The following PCDHGA3 variants were observed in gnomAD, a reference collection of about 807,000 sequenced individuals.
PCDHGA3 encodes protocadherin gamma subfamily A, 3.
PCDHGA3 carries 40 observed loss-of-function variants against 58.5 expected under a neutral mutation model. The observed-to-expected ratio is 0.68, with a 90% CI of 0.53 to 0.89. The LOEUF (loss-of-function observed/expected upper bound fraction) is 0.89. PCDHGA3 is among the 40% of genes least tolerant of loss of function. The pLI, the probability that PCDHGA3 is intolerant of heterozygous loss-of-function variation, is 0.00. For synonymous variants in PCDHGA3, 530 were observed against 525.7 expected (o/e 1.01, Z -0.11); for missense variants, 1,223 against 1,195.9 (o/e 1.02, Z -0.33).
chr5:141,373,423 T>G (rs992122154), intron 1 of PCDHGA3, among the ~76,000 whole-genome samples: 1 of 152,214 alleles, frequency 6.6e-6, no homozygotes, highest in Non-Finnish European at 1.5e-5. Flanking sequence ...CTCGGGAGGC[T>G]GAGGTGGGAG....
rs761386567 is a variant in PCDHGA3 at position 141,383,468 on chromosome 5, A to G, written c.2424+37011A>G. ...GTGCAAAGTGGAGACGATGAAACTA[A>G]GTACCCGGAACTGGTGCTGGAGCGG... On this transcript the variant is annotated intron_variant, in intron 1 of 3. Transcript: ENST00000253812. The G allele has an allele frequency of 1.1e-5, 17 of 1,613,656 alleles. 1 individual carries two copies. In the South Asian group the frequency reaches 1.9e-4, roughly 18 times the overall value.
Position 141,359,394 on chromosome 5 carries a change from C to G in PCDHGA3, c.2424+12937C>G, listed in dbSNP as rs141452272. ...CAGTAGATAATTTATAACCTAAAAT[C>G]AAATTTTTTAAAAAATGTGTTTTTG... On this transcript the variant is annotated intron_variant, in intron 1 of 3. Coordinates refer to ENST00000253812, the MANE Select transcript of PCDHGA3 (RefSeq NM_018916.4). Among the ~76,000 whole-genome samples the G allele has an allele frequency of 8.6e-5, 13 of 151,974 alleles. No homozygotes were observed. In the East Asian group the frequency reaches 2.3e-3, roughly 27 times the overall value.
chr5:141,404,965 C>A, intron 1 of PCDHGA3: 1 of 1,614,030 alleles, frequency 6.2e-7, no homozygotes, highest in Non-Finnish European at 8.5e-7. Context: ...TCCCAGACAT[C>A]CTGGCTGACC....
intron 1 of PCDHGA3, chr5:141,398,274 C>G (rs1323516270): frequency 7.1e-7 from 1 of 1,416,776 alleles, no homozygotes; most frequent in African/African-American, 1.5e-5. Context: ...TAGTGGGGAA[C>G]CTCGCCACGG....
intron 1 of PCDHGA3, chr5:141,408,616 A>C (rs1242634693): frequency 6.2e-7 from 1 of 1,614,052 alleles, no homozygotes. Flanking sequence ...AAAAGGAAAT[A>C]CATTTAGAAA....
At chr5:141,365,563 C>A (rs754759386) in intron 1 of PCDHGA3, 51 of 1,613,580 alleles carry the variant, frequency 3.2e-5, no homozygotes, top group Non-Finnish European at 3.8e-5. Flanking sequence ...GGGACCTGGA[C>A]AGAGAAGAGA....
At chr5:141,483,100 G>A (rs1051736065) in intron 1 of PCDHGA3, among the ~76,000 whole-genome samples, 11 of 152,078 alleles carry the variant, frequency 7.2e-5, no homozygotes, top group South Asian at 2.1e-4. Flanking sequence ...AAAAGTGTGC[G>A]TGTAAAACAG....
chr5:141,395,439 A>G, intron 1 of PCDHGA3: 1 of 679,568 alleles, frequency 1.5e-6, no homozygotes, highest in Non-Finnish European at 2.3e-6. Context: ...AACGACTTGG[A>G]AAAGATTGTT....
chr5:141,398,975 G>A, intron 1 of PCDHGA3: 2 of 1,613,926 alleles, frequency 1.2e-6, no homozygotes, highest in Middle Eastern at 1.6e-4. Context: ...TCCTTCTACA[G>A]AACCGGGCAA....
At position 141,375,371 on chromosome 5, in the gene PCDHGA3, C is replaced by A. The variant is rs776202756; in HGVS notation, c.2424+28914C>A. On this transcript the variant is annotated intron_variant, in intron 1 of 3. Coordinates refer to ENST00000253812, the MANE Select transcript of PCDHGA3 (RefSeq NM_018916.4). ...TGTGACAGCCACGGACAAAGGAACA[C>A]CACCTCTGTCTACAGAAACAATCAT... is the stretch of plus-strand genomic sequence containing the variant. 6.2e-7 allele frequency: 1 copy of A among 1,613,880 alleles called. No individual in the cohort carries two copies. The highest frequency in any genetic ancestry group is 1.3e-5 in the African/African-American group (1 of 75,046).
At chr5:141,414,753 T>G (rs10041534) in intron 1 of PCDHGA3, 22 of 1,614,088 alleles carry the variant, frequency 1.4e-5, no homozygotes, top group Non-Finnish European at 1.8e-5. Context: ...CCTTCGACTA[T>G]GAGCAGTTTC....
At chr5:141,394,240 C>T in intron 1 of PCDHGA3, 1 of 1,613,940 alleles carries the variant, frequency 6.2e-7, no homozygotes, top group Non-Finnish European at 8.5e-7. Context: ...TCCTTGACTG[C>T]ACACGACCCC....
Position 141,394,191 on chromosome 5 carries a change from T to C in PCDHGA3, c.2424+47734T>C, listed in dbSNP as rs775886477. 3 of 1,613,764 alleles carry C rather than the reference T, an allele frequency of 1.9e-6. No homozygotes were observed. The Admixed American group carries it at 5.0e-5, about 27-fold the overall frequency. On this transcript the variant is annotated intron_variant, in intron 1 of 3. Coordinates refer to ENST00000253812, the MANE Select transcript of PCDHGA3 (RefSeq NM_018916.4). ...TTTCCCTCATGCCTCCTACTCAGCG[T>C]ATATCCTAGAGAACAACCTGAGAGG...
intron 1 of PCDHGA3, among the ~76,000 whole-genome samples, chr5:141,435,175 C>T (rs1199067294): frequency 6.6e-6 from 1 of 152,030 alleles, no homozygotes; most frequent in East Asian, 1.9e-4. Context: ...TGGCTTTTAA[C>T]TACACTTGAG....
chr5:141,495,005 C>T (rs555909709), intron 2 of PCDHGA3, 140 bp downstream of exon 2: 1,141 of 1,522,692 alleles, frequency 7.5e-4, no homozygotes, highest in Non-Finnish European at 8.4e-4. Context: ...TCTTGGTGTG[C>T]GGGGGGCTGG....
rs1218837884 is a variant in PCDHGA3 at position 141,403,668 on chromosome 5, C to A, written c.2424+57211C>A. On this transcript the variant is annotated intron_variant, in intron 1 of 3. Coordinates refer to ENST00000253812, the MANE Select transcript of PCDHGA3 (RefSeq NM_018916.4). ...ACAGTGTTGGATACAAATGATAATG[C>A]CCCGGTTTTTGCTCAACGGATTTAC... 1.9e-6 allele frequency: 3 copies of A among 1,613,772 alleles called. No individual in the cohort carries two copies. In the African/African-American group the frequency reaches 4.0e-5, roughly 22 times the overall value.
At chr5:141,376,066 C>A in intron 1 of PCDHGA3, 1 of 1,613,396 alleles carries the variant, frequency 6.2e-7, no homozygotes, top group Non-Finnish European at 8.5e-7. Flanking sequence ...TCACGCTCAC[C>A]GTGGCCGTGG....
At chr5:141,408,856 G>T in intron 1 of PCDHGA3, 1 of 1,613,518 alleles carries the variant, frequency 6.2e-7, no homozygotes, top group Non-Finnish European at 8.5e-7. Flanking sequence ...TGGACGGAGG[G>T]GACCCACCAA....
intron 1 of PCDHGA3, among the ~76,000 whole-genome samples, chr5:141,425,919 GA>G (rs2096903434): frequency 6.6e-6 from 1 of 152,056 alleles, no homozygotes; most frequent in African/African-American, 2.4e-5. Flanking sequence ...CAGTCACTAC[GA>G]AAACTCATAA....
Sources: gnomAD v4.1 joint callset for allele counts (sites outside exome capture counted in the v4.1 genomes callset) on GRCh38, gnomAD v4.1.1 for gene constraint, MANE v1.5 for transcripts, NCBI Gene and HGNC (gene_info 2026-07-23, HGNC 2026-07-21) for gene names.